GNPAT: variants seen among roughly 807,000 people sequenced by gnomAD.
GNPAT encodes the protein glyceronephosphate O-acyltransferase.
Under a neutral mutation model 78.4 loss-of-function variants are expected in GNPAT, and 30 were observed. The observed-to-expected ratio is 0.38, with a 90% CI of 0.29 to 0.52. GNPAT has a LOEUF of 0.52. Ranked by LOEUF, GNPAT falls within the 20% of genes least tolerant of loss-of-function variation. The pLI is 0.84. For missense variants in GNPAT, 714 were observed against 812.2 expected (o/e 0.88, Z 1.47); for synonymous variants, 271 against 281.1 (o/e 0.96, Z 0.36).
At chr1:231,268,901 G>A (rs551782161) in intron 9 of GNPAT, among the ~76,000 whole-genome samples, 39 of 103,848 alleles carry the variant, frequency 3.8e-4, no homozygotes, top group Admixed American at 2.3e-3. Context: ...GCGAGATTCC[G>A]TCTCAAAAAA....
intron 11 of GNPAT, 143 bp downstream of exon 11, chr1:231,272,534 G>A (rs1267578342): frequency 2.4e-5 from 16 of 661,790 alleles, no homozygotes; most frequent in East Asian, 1.8e-4. Context: ...AAACTGGGGC[G>A]CTCACAGTTC....
chr1:231,271,282 A>G (rs1208860577), intron 10 of GNPAT, among the ~76,000 whole-genome samples: 1 of 152,232 alleles, frequency 6.6e-6, no homozygotes. Flanking sequence ...GCATTTGAGT[A>G]CAGTTCTCCA....
intron 1 of GNPAT, among the ~76,000 whole-genome samples, chr1:231,250,290 G>A (rs1684857863): frequency 1.3e-5 from 2 of 151,902 alleles, no homozygotes; most frequent in African/African-American, 2.4e-5. Context: ...AATTAACTGG[G>A]CTTGGTGGTA....
At chr1:231,241,503 G>A (rs375533074) in intron 1 of GNPAT, 47 bp downstream of exon 1, 1 of 1,337,698 alleles carries the variant, frequency 7.5e-7, no homozygotes, top group Non-Finnish European at 1.1e-6. Context: ...GCGCGAAATA[G>A]TACCCCTTTC....
chr1:231,251,059 C>G lies in GNPAT; in HGVS notation c.177C>G (p.Val59=). The G allele has an allele frequency of 6.3e-7, 1 of 1,592,840 alleles. No homozygotes were observed. Among genetic ancestry groups the G allele is most frequent in the Non-Finnish European group, 8.6e-7 (1 of 1,160,698 alleles). ...KFAMKCYTPL[V]YKGITPCKPI... ...CAATGAAATGCTACACACCTCTTGTCTATAAGGGAATTACTCCATGTAAAC... is the reference window on the plus strand; with the variant it reads ...CAATGAAATGCTACACACCTCTTGTGTATAAGGGAATTACTCCATGTAAAC... The change falls in exon 2 of 16, where the codon GTC becomes GTG. Residue 59 remains valine, a synonymous_variant. Coordinates refer to ENST00000366647, the MANE Select transcript of GNPAT (RefSeq NM_014236.4).
chr1:231,252,895 A>G (rs1337756295), intron 2 of GNPAT, among the ~76,000 whole-genome samples: 1 of 152,062 alleles, frequency 6.6e-6, no homozygotes, highest in Non-Finnish European at 1.5e-5. Flanking sequence ...CGTCTTCCCC[A>G]TAGACAGAAC....
chr1:231,265,884 T>C, intron 6 of GNPAT, 97 bp downstream of exon 6: 1 of 1,049,476 alleles, frequency 9.5e-7, no homozygotes, highest in Non-Finnish European at 1.5e-6. Flanking sequence ...TCTTTTCAAG[T>C]GTAAATGTAT....
intron 12 of GNPAT, among the ~76,000 whole-genome samples, chr1:231,274,373 G>A (rs1376035941): frequency 1.3e-5 from 2 of 152,174 alleles, no homozygotes; most frequent in Non-Finnish European, 2.9e-5. Flanking sequence ...TCTTAATGAG[G>A]CCTTCATGTC....
intron 12 of GNPAT, chr1:231,274,920 C>A: frequency 3.1e-6 from 1 of 321,470 alleles, no homozygotes; most frequent in Non-Finnish European, 5.9e-6. Flanking sequence ...CCTCTCTTCC[C>A]AAGTAGCATA....
chr1:231,264,507 G>A (rs529511833), intron 4 of GNPAT, among the ~76,000 whole-genome samples: 6 of 152,280 alleles, frequency 3.9e-5, no homozygotes, highest in South Asian at 2.1e-4. Context: ...CAGGATTCAA[G>A]TATACACGTT....
intron 8 of GNPAT, among the ~76,000 whole-genome samples, chr1:231,267,216 C>G (rs750487992): frequency 6.6e-6 from 1 of 152,136 alleles, no homozygotes; most frequent in Non-Finnish European, 1.5e-5. Flanking sequence ...CCTTATTGTA[C>G]TATTCAAAGT....
At chr1:231,261,862 T>A (rs1685232128) in intron 3 of GNPAT, among the ~76,000 whole-genome samples, 1 of 152,224 alleles carries the variant, frequency 6.6e-6, no homozygotes. Flanking sequence ...AATATTTTGT[T>A]TTAATTCAGT....
In GNPAT at chr1:231,266,162, A is replaced by C. The variant is rs1252016183; in HGVS notation, c.921A>C (p.Thr307=). The C allele has an allele frequency of 1.2e-6, 2 of 1,613,442 alleles. No individual in the cohort carries two copies. Among genetic ancestry groups the C allele is most frequent in the African/African-American group, 1.3e-5 (1 of 75,056 alleles). The change falls in exon 7 of 16, where the codon ACA becomes ACC. Residue 307 remains threonine (T), a synonymous_variant. Coordinates refer to ENST00000366647, the MANE Select transcript of GNPAT (RefSeq NM_014236.4). ...GGGTTCCTAAACCAAAAGAGTCTAC[A>C]ACTGTACGTGAGCTTGATTTTAGCT... ...LLGVPKPKES[T]TGLLKARKIL...
intron 2 of GNPAT, among the ~76,000 whole-genome samples, chr1:231,260,159 C>T (rs1685183786): frequency 6.6e-6 from 1 of 152,162 alleles, no homozygotes; most frequent in East Asian, 1.9e-4. Context: ...TGCAGCAATA[C>T]ACTGAGAGAA....
At chr1:231,271,845 G>T (rs1685574806) in intron 10 of GNPAT, among the ~76,000 whole-genome samples, 1 of 152,204 alleles carries the variant, frequency 6.6e-6, no homozygotes, top group Non-Finnish European at 1.5e-5. Flanking sequence ...GCTCACGCCT[G>T]TAATCCCAGC....
intron 2 of GNPAT, among the ~76,000 whole-genome samples, chr1:231,254,020 C>A (rs192643301): frequency 2.0e-4 from 31 of 152,286 alleles, no homozygotes; most frequent in African/African-American, 7.0e-4. Context: ...ATCATGTTGG[C>A]CAGGCTGGTC....
intron 2 of GNPAT, 148 bp from the exon 3 acceptor site, chr1:231,260,359 G>A: frequency 3.1e-6 from 2 of 634,958 alleles, no homozygotes; most frequent in Non-Finnish European, 5.5e-6. Context: ...TACTATGACT[G>A]TGTTGGGAAG....
rs1033931869 is a variant in GNPAT, at chr1:231,277,728, G to A, written c.*186G>A. 1.7e-6 allele frequency: 1 copy of A among 591,710 alleles called. No individual in the cohort carries two copies. The highest frequency in any genetic ancestry group is 3.0e-6 in the Non-Finnish European group (1 of 329,402). The allele number at this position is 591,710 out of a possible 1,614,324, so 36.7% of individuals were successfully genotyped here. On this transcript the variant is annotated 3_prime_UTR_variant, in exon 16 of 16. Transcript: ENST00000366647. ...CAGTTTACTCTTCCCCACCACAGTGGTTAAAAGGCGTTTGTATCTGACACT... is the reference window on the plus strand; with the variant it reads ...CAGTTTACTCTTCCCCACCACAGTGATTAAAAGGCGTTTGTATCTGACACT...
chr1:231,246,823 GTATT>G (rs1463848224), intron 1 of GNPAT, among the ~76,000 whole-genome samples: 1 of 152,202 alleles, frequency 6.6e-6, no homozygotes, highest in Admixed American at 6.5e-5. Flanking sequence ...CTGGATATCA[GTATT>G]TATTTTGAAG....
Sources: gnomAD v4.1 joint callset for allele counts (sites outside exome capture counted in the v4.1 genomes callset) on GRCh38, gnomAD v4.1.1 for gene constraint, MANE v1.5 for transcripts, NCBI Gene and HGNC (gene_info 2026-07-23, HGNC 2026-07-21) for gene names.